The following CTNNA3 variants were observed in gnomAD, a reference collection of about 807,000 sequenced individuals.
The protein encoded by CTNNA3 is catenin alpha 3.
Under a neutral mutation model 95.7 loss-of-function variants are expected in CTNNA3, and 76 were observed. That is an observed-to-expected ratio of 0.79 (90% CI 0.66 to 0.96). The LOEUF is 0.96. CTNNA3 is among the 40% of genes least tolerant of loss of function. CTNNA3 has a pLI of 0.00. For missense variants in CTNNA3, 1,191 were observed against 1,089.8 expected, an observed-to-expected ratio of 1.09 and a Z score of -1.31; for synonymous variants, 431 against 374.4, an observed-to-expected ratio of 1.15 and a Z score of -1.74.
chr10:66,723,955 A>T (rs1211433336), intron 9 of CTNNA3, among the ~76,000 whole-genome samples: 1 of 152,144 alleles, frequency 6.6e-6, no homozygotes, highest in Non-Finnish European at 1.5e-5. Context: ...TCTTTCTTTC[A>T]TCATATTTTT....
intron 9 of CTNNA3, among the ~76,000 whole-genome samples, chr10:66,684,367 A>C (rs976721675): frequency 1.9e-4 from 29 of 152,196 alleles, no homozygotes; most frequent in Non-Finnish European, 3.7e-4. Context: ...TGAGAAGTAT[A>C]TTATGGGGTA....
intron 17 of CTNNA3, among the ~76,000 whole-genome samples, chr10:65,924,504 C>T (rs2077135928): frequency 1.3e-5 from 2 of 152,164 alleles, no homozygotes; most frequent in South Asian, 2.1e-4. Flanking sequence ...GCAGAGCTTC[C>T]AGACCACAGA....
At chr10:66,059,529 CT>C (rs2080153513) in intron 15 of CTNNA3, among the ~76,000 whole-genome samples, 1 of 152,072 alleles carries the variant, frequency 6.6e-6, no homozygotes, top group Non-Finnish European at 1.5e-5. Context: ...ACCAGCTCGT[CT>C]GCTCCTAACT....
intron 12 of CTNNA3, among the ~76,000 whole-genome samples, chr10:66,346,007 A>T (rs895510586): frequency 4.1e-5 from 6 of 145,928 alleles, no homozygotes; most frequent in Non-Finnish European, 6.0e-5. Context: ...AATCTGGGAG[A>T]CAGAGGTTGC....
chr10:67,009,074 A>G (rs1852175127), intron 7 of CTNNA3, among the ~76,000 whole-genome samples: 1 of 152,124 alleles, frequency 6.6e-6, no homozygotes, highest in Non-Finnish European at 1.5e-5. Context: ...TCTCTCTTCC[A>G]TGTGACTTGA....
At chr10:67,536,281 G>C (rs1253018343) in intron 4 of CTNNA3, among the ~76,000 whole-genome samples, 1 of 152,108 alleles carries the variant, frequency 6.6e-6, no homozygotes, top group African/African-American at 2.4e-5. Flanking sequence ...CCTTGATTCT[G>C]TGTTGCTCCA....
chr10:66,503,792 C>T (rs1270668385), intron 11 of CTNNA3, among the ~76,000 whole-genome samples: 4 of 152,016 alleles, frequency 2.6e-5, no homozygotes, highest in South Asian at 4.2e-4. Flanking sequence ...CTATGTTCCA[C>T]GTAGTCTCTA....
intron 7 of CTNNA3, among the ~76,000 whole-genome samples, chr10:66,798,338 T>G (rs1408069376): frequency 1.3e-5 from 2 of 151,852 alleles, no homozygotes. Context: ...CCTGTTTAGA[T>G]TTATTAACTA....
Position 67,499,067 on chromosome 10 carries a change from G to A in CTNNA3, c.579+22775C>T, listed in dbSNP as rs181660582. Among the ~76,000 whole-genome samples the A allele has an allele frequency of 5.0e-3, 762 of 152,244 alleles. 8 individuals carry two copies. The highest frequency in any genetic ancestry group is 0.017 in the African/African-American group (716 of 41,532). ...GTCCATTCAGTGTGATGTTGGCTGT[G>A]GGTTTGTCATAAATAGCTCTTACTA... is the stretch of plus-strand genomic sequence containing the variant. On this transcript the variant is annotated intron_variant, in intron 5 of 17. Transcript: ENST00000433211.
intron 7 of CTNNA3, among the ~76,000 whole-genome samples, chr10:67,060,599 T>C (rs1042214455): frequency 1.3e-5 from 2 of 152,174 alleles, no homozygotes; most frequent in African/African-American, 4.8e-5. Flanking sequence ...TTTGTGTCAC[T>C]TCTGGGTTAA....
intron 5 of CTNNA3, among the ~76,000 whole-genome samples, chr10:67,480,387 C>T (rs1182051111): frequency 6.6e-6 from 1 of 152,162 alleles, no homozygotes; most frequent in Non-Finnish European, 1.5e-5. Context: ...CATAAACAGG[C>T]CATGAGAAAC....
intron 5 of CTNNA3, among the ~76,000 whole-genome samples, chr10:67,243,621 A>T (rs1460197776): frequency 6.6e-6 from 1 of 152,146 alleles, no homozygotes; most frequent in African/African-American, 2.4e-5. Context: ...TTCTCTCTCT[A>T]GTCTTACTTC....
At chr10:66,727,424 A>T (rs1206073371) in intron 9 of CTNNA3, among the ~76,000 whole-genome samples, 1 of 152,234 alleles carries the variant, frequency 6.6e-6, no homozygotes, top group East Asian at 1.9e-4. Context: ...AATAAATAAT[A>T]TTGGTAAAAC....
At chr10:67,570,747 T>C (rs1287244766) in intron 3 of CTNNA3, among the ~76,000 whole-genome samples, 1 of 152,202 alleles carries the variant, frequency 6.6e-6, no homozygotes, top group East Asian at 1.9e-4. Context: ...GATTATTTTC[T>C]CTTTTTGAAA....
intron 7 of CTNNA3, among the ~76,000 whole-genome samples, chr10:66,968,544 T>C (rs769965173): frequency 6.6e-5 from 10 of 151,828 alleles, no homozygotes; most frequent in Non-Finnish European, 1.2e-4. Context: ...TTAGAAGCGA[T>C]TGGATTCAGG....
intron 5 of CTNNA3, among the ~76,000 whole-genome samples, chr10:67,422,368 AAG>A (rs1019499315): frequency 1.1e-4 from 16 of 152,178 alleles, no homozygotes; most frequent in Non-Finnish European, 2.1e-4. Context: ...GTCCAGAAGG[AAG>A]AGAGAGAGAA....
At chr10:66,735,991 C>G (rs61866044) in intron 9 of CTNNA3, among the ~76,000 whole-genome samples, 1 of 152,074 alleles carries the variant, frequency 6.6e-6, no homozygotes, top group Non-Finnish European at 1.5e-5. Flanking sequence ...TCCCATTTGG[C>G]GGCTGATCCT....
intron 7 of CTNNA3, among the ~76,000 whole-genome samples, chr10:67,066,917 A>G (rs1057452531): frequency 6.6e-6 from 1 of 152,236 alleles, no homozygotes; most frequent in Non-Finnish European, 1.5e-5. Flanking sequence ...TTTGGACATG[A>G]GCAATATTTA....
intron 7 of CTNNA3, among the ~76,000 whole-genome samples, chr10:66,800,096 T>C (rs1373511651): frequency 1.3e-5 from 2 of 151,410 alleles, no homozygotes; most frequent in Non-Finnish European, 1.5e-5. Flanking sequence ...GAATCATCAG[T>C]GTTTTTGATG....
Sources: allele counts gnomAD v4.1 joint callset (sites outside exome capture counted in the v4.1 genomes callset), GRCh38; gene constraint gnomAD v4.1.1; transcripts MANE v1.5; gene names NCBI Gene and HGNC (gene_info 2026-07-23, HGNC 2026-07-21).